PARP15: variants seen among roughly 807,000 people sequenced by gnomAD.
The protein encoded by PARP15 is poly(ADP-ribose) polymerase family member 15.
In PARP15, 50 loss-of-function variants were observed where a neutral mutation model predicts 62.1. The ratio of observed to expected loss-of-function variants is 0.81; its 90% CI spans 0.64 to 1.02. The LOEUF (loss-of-function observed/expected upper bound fraction) is 1.02, where lower values mean the gene tolerates loss of function less well. PARP15 is among the 50% of genes least tolerant of loss of function. PARP15 has a pLI of 0.00. For missense variants in PARP15, 820 were observed against 826.5 expected, an observed-to-expected ratio of 0.99 and a Z score of 0.10; for synonymous variants, 309 against 293.1, an observed-to-expected ratio of 1.05 and a Z score of -0.55.
intron 1 of PARP15, among the ~76,000 whole-genome samples, chr3:122,593,999 T>C (rs1934148564): frequency 6.6e-6 from 1 of 152,208 alleles, no homozygotes; most frequent in Admixed American, 6.5e-5. Context: ...TCTTAAAACA[T>C]ATAGCAATAT....
intron 4 of PARP15, chr3:122,615,183 T>C (rs989029988): frequency 2.3e-5 from 29 of 1,238,532 alleles, no homozygotes; most frequent in Non-Finnish European, 2.8e-5. Context: ...CATTGCTCAA[T>C]TTTATCACTC....
intron 1 of PARP15, among the ~76,000 whole-genome samples, chr3:122,580,032 T>C (rs1283096771): frequency 1.5e-5 from 2 of 135,774 alleles, no homozygotes; most frequent in Non-Finnish European, 3.2e-5. Flanking sequence ...TATATATATA[T>C]ATATGCACGC....
chr3:122,617,692 A>G (rs1936072026), intron 6 of PARP15, among the ~76,000 whole-genome samples: 1 of 152,034 alleles, frequency 6.6e-6, no homozygotes. Context: ...CCCTCCCCTC[A>G]TATGTCTATT....
intron 1 of PARP15, among the ~76,000 whole-genome samples, chr3:122,578,096 T>G (rs1018642280): frequency 2.0e-5 from 3 of 151,854 alleles, no homozygotes; most frequent in Admixed American, 1.3e-4. Context: ...TTTATAAAGT[T>G]TGAAAGGATA....
chr3:122,581,857 A>G (rs1932974993), intron 1 of PARP15, among the ~76,000 whole-genome samples: 1 of 152,088 alleles, frequency 6.6e-6, no homozygotes, highest in African/African-American at 2.4e-5. Flanking sequence ...ATTGTTCTAT[A>G]TGTCTTCTTT....
intron 1 of PARP15, among the ~76,000 whole-genome samples, chr3:122,583,250 G>T (rs543545669): frequency 2.0e-5 from 3 of 147,720 alleles, no homozygotes; most frequent in South Asian, 4.3e-4. Flanking sequence ...CCTCCTAAAC[G>T]CTGGGATTAC....
chr3:122,629,672 A>G (rs867570582), intron 9 of PARP15, among the ~76,000 whole-genome samples: 19 of 152,222 alleles, frequency 1.2e-4, no homozygotes, highest in Admixed American at 1.3e-4. Context: ...GTAATATATT[A>G]TGAAATAATT....
Position 122,577,658 on chromosome 3 carries a change from C to G in PARP15, c.-10C>G. The stretch of plus-strand genomic sequence containing the variant: ...GGGTGGGGCGCAACTGCAGTCCCAG[C>G]GAGCTGAGGATGGCTGCGCCAGGCC... On this transcript the variant is annotated 5_prime_UTR_variant, in exon 1 of 12. Coordinates refer to ENST00000464300, the MANE Select transcript of PARP15 (RefSeq NM_001113523.3). The G allele has an allele frequency of 6.4e-7, 1 of 1,551,512 alleles. No homozygotes were observed. The highest frequency in any genetic ancestry group is 1.4e-5 in the African/African-American group (1 of 73,162).
chr3:122,605,918 T>G lies in PARP15; in HGVS notation c.187-18T>G. 6.5e-7 allele frequency: 1 copy of G among 1,550,136 alleles called. No individual in the cohort carries two copies. Among genetic ancestry groups the G allele is most frequent in the Non-Finnish European group, 8.7e-7 (1 of 1,146,090 alleles). On this transcript the variant is annotated intron_variant, in intron 1 of 11. Transcript: ENST00000464300. ...TGAAATTGGCATTGCTGGTAATGCT[T>G]TACTGTTTTCTCCACAGTCCAGAGA...
chr3:122,618,951 A>G (rs78120455), intron 6 of PARP15, among the ~76,000 whole-genome samples: 18,471 of 152,296 alleles, frequency 0.12, 1,604 homozygotes, highest in Non-Finnish European at 0.19. Flanking sequence ...TCTTCACAGC[A>G]AAGACAGAGA....
Position 122,602,289 on chromosome 3 carries a change from C to G in PARP15, c.187-3647C>G, listed in dbSNP as rs148844451. 2.1e-4 allele frequency among the ~76,000 whole-genome samples: 32 copies of G among 152,248 alleles called. No homozygotes were observed. The East Asian group carries it at 4.6e-3, about 22-fold the overall frequency. On this transcript the variant is annotated intron_variant, in intron 1 of 11. Coordinates refer to ENST00000464300, the MANE Select transcript of PARP15 (RefSeq NM_001113523.3). ...GGTGCCTGGGAGTTGACATTCATCT[C>G]CTGATCAGATGGTACGTAGACAATA...
intron 8 of PARP15, among the ~76,000 whole-genome samples, chr3:122,623,795 C>G (rs1252849659): frequency 6.6e-6 from 1 of 152,178 alleles, no homozygotes; most frequent in African/African-American, 2.4e-5. Flanking sequence ...TTGATGATGC[C>G]TTCAGAGATG....
rs768697463 is a variant in PARP15 at position 122,619,828 on chromosome 3, G to C, written c.1048G>C (p.Glu350Gln). Reference protein sequence around the residue: ...LEGAGQAVESECAVLAAQPHR... With the variant: ...LEGAGQAVESQCAVLAAQPHR... ...AGGTGCTGGACAAGCTGTGGAAAGT[G>C]AATGTGCTGTACTAGGTATGGGCAC... is the stretch of plus-strand genomic sequence containing the variant. The change falls in exon 7 of 12, where the codon GAA becomes CAA. Residue 350 changes from glutamate (E) to glutamine (Q), a missense_variant. Physicochemically the swap from Glu to Gln is conservative, Grantham distance 29. Transcript: ENST00000464300. 3 of 1,613,502 alleles carry C rather than the reference G, an allele frequency of 1.9e-6. No individual in the cohort carries two copies. Among genetic ancestry groups the C allele is most frequent in the Non-Finnish European group, 2.5e-6 (3 of 1,179,390 alleles).
intron 2 of PARP15, among the ~76,000 whole-genome samples, chr3:122,607,109 A>G (rs1003502539): frequency 2.0e-5 from 3 of 152,232 alleles, no homozygotes; most frequent in African/African-American, 7.2e-5. Context: ...GATCTGACTC[A>G]CACTAATCAA....
intron 1 of PARP15, among the ~76,000 whole-genome samples, chr3:122,591,858 G>A (rs570430989): frequency 1.6e-4 from 24 of 151,464 alleles, no homozygotes; most frequent in African/African-American, 4.8e-4. Flanking sequence ...GATTCCAGGC[G>A]TCCCACAATG....
At position 122,637,856 on chromosome 3, in the gene PARP15, A is replaced by G. The variant is rs941669941; in HGVS notation, c.*1756A>G. The G allele has an allele frequency of 2.0e-5, 3 of 152,056 alleles. No homozygotes were observed. Among genetic ancestry groups the G allele is most frequent in the Non-Finnish European group, 4.4e-5 (3 of 68,022 alleles). 9.4% of individuals were successfully genotyped at this position (152,056 alleles called of 1,614,324 possible). A position where few individuals can be genotyped will look rare whatever the true frequency, so the allele number is the denominator to read the frequency against. ...GGTACATGTGCACAATGTGCAGTTT[A>G]GTTACATATGTAAACATGTGCCATG... On this transcript the variant is annotated 3_prime_UTR_variant, in exon 12 of 12. Coordinates refer to ENST00000464300, the MANE Select transcript of PARP15 (RefSeq NM_001113523.3).
Position 122,636,178 on chromosome 3 carries a change from G to T in PARP15, c.*78G>T. The T allele has an allele frequency of 1.1e-5, 15 of 1,406,384 alleles. No individual in the cohort carries two copies. The highest frequency in any genetic ancestry group is 1.4e-5 in the South Asian group (1 of 70,836). The allele number at this position is 1,406,384 out of a possible 1,614,324, so 87.1% of individuals were successfully genotyped here. Reference sequence around the variant, plus strand: ...CAATCTTTGTCTTTGCTTCTGGCCTGTGTAAGCAGATGAAAGTTTCCCTTT... The same window carrying T: ...CAATCTTTGTCTTTGCTTCTGGCCTTTGTAAGCAGATGAAAGTTTCCCTTT... On this transcript the variant is annotated 3_prime_UTR_variant, in exon 12 of 12. Transcript: ENST00000464300.
rs534884424 is a variant in PARP15, at chr3:122,636,205, A to C, written c.*105A>C. On this transcript the variant is annotated 3_prime_UTR_variant, in exon 12 of 12. Coordinates refer to ENST00000464300, the MANE Select transcript of PARP15 (RefSeq NM_001113523.3). ...GTAAGCAGATGAAAGTTTCCCTTTT[A>C]GGTGCCAAAATGCTGAAAATTACCT... 4.3e-5 allele frequency: 51 copies of C among 1,180,846 alleles called. No individual in the cohort carries two copies. In the African/African-American group the frequency reaches 7.7e-4, roughly 18 times the overall value. 73.1% of individuals were successfully genotyped at this position (1,180,846 alleles called of 1,614,324 possible). A position where few individuals can be genotyped will look rare whatever the true frequency, so the allele number is the denominator to read the frequency against.
At chr3:122,609,245 T>TATG (rs1935392360) in intron 2 of PARP15, among the ~76,000 whole-genome samples, 1 of 152,206 alleles carries the variant, frequency 6.6e-6, no homozygotes. Context: ...GAGATTAGTT[T>TATG]ATGCTAACTT....
Sources: gnomAD v4.1 joint callset for allele counts (sites outside exome capture counted in the v4.1 genomes callset) on GRCh38, gnomAD v4.1.1 for gene constraint, MANE v1.5 for transcripts, NCBI Gene and HGNC (gene_info 2026-07-23, HGNC 2026-07-21) for gene names.